OCA2: variants seen among roughly 807,000 people sequenced by gnomAD.
OCA2 encodes OCA2 melanosomal transmembrane protein.
OCA2 carries 77 observed loss-of-function variants against 100.2 expected under a neutral mutation model. The observed-to-expected ratio is 0.77, with a 90% CI of 0.64 to 0.93. The LOEUF (loss-of-function observed/expected upper bound fraction) is 0.93. Ranked by LOEUF, OCA2 falls within the 40% of genes least tolerant of loss-of-function variation. The pLI, the probability that OCA2 is intolerant of heterozygous loss-of-function variation, is 0.00. For synonymous variants in OCA2, 432 were observed against 439.2 expected, an observed-to-expected ratio of 0.98 and a Z score of 0.21; for missense variants, 1,062 against 1,089.1, an observed-to-expected ratio of 0.98 and a Z score of 0.35.
chr15:27,919,466 G>T (rs949628134), intron 19 of OCA2, among the ~76,000 whole-genome samples: 1 of 152,176 alleles, frequency 6.6e-6, no homozygotes, highest in Non-Finnish European at 1.5e-5. Flanking sequence ...GTTAAGCCAT[G>T]AAAAGACAAG....
chr15:27,865,928 C>G (rs1164893470), intron 21 of OCA2, among the ~76,000 whole-genome samples: 2 of 152,180 alleles, frequency 1.3e-5, no homozygotes, highest in Non-Finnish European at 2.9e-5. Flanking sequence ...TCCTCCCAGT[C>G]AAAGGGGCCC....
intron 4 of OCA2, among the ~76,000 whole-genome samples, chr15:28,026,956 A>T (rs1340712796): frequency 6.6e-6 from 1 of 152,230 alleles, no homozygotes; most frequent in Non-Finnish European, 1.5e-5. Flanking sequence ...ATCGCGTGAC[A>T]GGGTACCGTC....
chr15:27,889,582 G>A (rs1184288739), intron 19 of OCA2, among the ~76,000 whole-genome samples: 3 of 152,186 alleles, frequency 2.0e-5, no homozygotes, highest in Non-Finnish European at 4.4e-5. Flanking sequence ...AGTCACCGTG[G>A]GAAAGTGTAT....
intron 19 of OCA2, among the ~76,000 whole-genome samples, chr15:27,873,845 C>T (rs1037593203): frequency 6.6e-6 from 1 of 152,118 alleles, no homozygotes; most frequent in African/African-American, 2.4e-5. Context: ...AATTATCTAG[C>T]ACATCCCTAT....
chr15:27,943,034 A>G (rs1442965484), intron 18 of OCA2, among the ~76,000 whole-genome samples: 3 of 152,154 alleles, frequency 2.0e-5, no homozygotes, highest in Non-Finnish European at 2.9e-5. Flanking sequence ...TATCAGGGCT[A>G]TTTTCTAATA....
chr15:28,081,241 A>C (rs759293560), intron 2 of OCA2, among the ~76,000 whole-genome samples: 5 of 152,222 alleles, frequency 3.3e-5, no homozygotes, highest in Non-Finnish European at 7.3e-5. Context: ...ATAAAAGTTG[A>C]AATTATTTTT....
rs531446421 is a variant in OCA2 at position 28,079,574 on chromosome 15, C to A, written c.227+2074G>T. The stretch of plus-strand genomic sequence containing the variant: ...ACTGTGGGTGGGTTGGGCCAACACA[C>A]CATTCTCCTCATGGTGCTGAGAGCT... On this transcript the variant is annotated intron_variant, in intron 2 of 23. Transcript: ENST00000354638. Among the ~76,000 whole-genome samples, 9 of 152,280 alleles carry A rather than the reference C, an allele frequency of 5.9e-5. No homozygotes were observed. The South Asian group carries it at 1.9e-3, about 32-fold the overall frequency.
chr15:27,871,721 A>G lies in OCA2; in HGVS notation c.2139+142T>C, dbSNP rs1357756686. 5 of 695,392 alleles carry G rather than the reference A, an allele frequency of 7.2e-6. No homozygotes were observed. In the East Asian group the frequency reaches 1.2e-4, roughly 17 times the overall value. 43.1% of individuals were successfully genotyped at this position (695,392 alleles called of 1,614,324 possible). The stretch of plus-strand genomic sequence containing the variant: ...AAGTCTCCCTTCATCTCTGGGCTGC[A>G]CAGGATAGAACAGGTTCCCTGCTGT... On this transcript the variant is annotated intron_variant, in intron 20 of 23. Transcript: ENST00000354638.
chr15:27,938,388 G>A (rs150941919), intron 18 of OCA2, among the ~76,000 whole-genome samples: 8 of 152,334 alleles, frequency 5.3e-5, no homozygotes, highest in East Asian at 3.9e-4. Context: ...AACTTGCAGA[G>A]GCAAGACTCC....
At chr15:27,824,928 T>C (rs1253319656) in intron 23 of OCA2, among the ~76,000 whole-genome samples, 2 of 151,956 alleles carry the variant, frequency 1.3e-5, no homozygotes. Context: ...ACAGGGGGCA[T>C]AGGCACAAAA....
chr15:27,840,482 T>C (rs756694357), intron 23 of OCA2, among the ~76,000 whole-genome samples: 42 of 152,228 alleles, frequency 2.8e-4, no homozygotes, highest in Admixed American at 2.7e-3. Context: ...CCAATATTTC[T>C]GATCCTAATA....
chr15:27,949,365 T>C (rs909806688), intron 18 of OCA2, among the ~76,000 whole-genome samples: 1 of 152,198 alleles, frequency 6.6e-6, no homozygotes, highest in African/African-American at 2.4e-5. Context: ...CAGGACACAT[T>C]GAAAACAGAA....
chr15:27,809,474 C>T (rs1013210707), intron 23 of OCA2, among the ~76,000 whole-genome samples: 1 of 152,160 alleles, frequency 6.6e-6, no homozygotes, highest in African/African-American at 2.4e-5. Context: ...GACAAGGATG[C>T]TCTCTCTCAA....
the OCA2 span, among the ~76,000 whole-genome samples, chr15:27,739,541 G>T: frequency 6.8e-6 from 1 of 147,302 alleles, no homozygotes; most frequent in Non-Finnish European, 1.5e-5. Context: ...CACCTCCCGG[G>T]TTCAAGTGAT....
rs1358155377 is a variant in OCA2 at position 27,871,161 on chromosome 15, G to A, written c.2237C>T (p.Ala746Val). 1 of 1,612,016 alleles carries A rather than the reference G, an allele frequency of 6.2e-7. No individual in the cohort carries two copies. Among genetic ancestry groups the A allele is most frequent in the Non-Finnish European group, 8.5e-7 (1 of 1,178,154 alleles). The change falls in exon 21 of 24, where the codon GCT (alanine) becomes GTT (valine). Residue 746 changes from alanine (A) to valine (V), a missense_variant. Coordinates refer to ENST00000354638, the MANE Select transcript of OCA2 (RefSeq NM_000275.3). ...SSLIDNIPFT[A>V]TMIPVLLNLS... is the part of the protein sequence containing the mutation. The stretch of plus-strand genomic sequence containing the variant: ...TGGACATGTGCAACTCACCATGGTA[G>A]CAGTGAACGGGATGTTGTCAATCAG...
chr15:27,845,703 T>G (rs2035507032), intron 22 of OCA2, among the ~76,000 whole-genome samples: 1 of 152,164 alleles, frequency 6.6e-6, no homozygotes. Context: ...GCCTCCTCCG[T>G]CGCTCCCAGC....
intron 23 of OCA2, among the ~76,000 whole-genome samples, chr15:27,777,004 A>G (rs1595393117): frequency 6.6e-6 from 1 of 150,600 alleles, no homozygotes; most frequent in Non-Finnish European, 1.5e-5. Flanking sequence ...GTTGGAGAGC[A>G]CTTCCCCCCA....
the OCA2 span, among the ~76,000 whole-genome samples, chr15:27,736,055 A>G: frequency 6.6e-6 from 1 of 152,226 alleles, no homozygotes; most frequent in African/African-American, 2.4e-5. Context: ...TCAATCCACA[A>G]TGTACATATA....
chr15:27,851,632 A>G (rs920080403), intron 21 of OCA2, among the ~76,000 whole-genome samples, 157 bp from the exon 22 acceptor site: 2 of 152,242 alleles, frequency 1.3e-5, no homozygotes, highest in African/African-American at 4.8e-5. Context: ...TGGAATCCAC[A>G]GAAACTTGAG....
Sources: allele counts gnomAD v4.1 joint callset (sites outside exome capture counted in the v4.1 genomes callset), GRCh38; gene constraint gnomAD v4.1.1; transcripts MANE v1.5; gene names NCBI Gene and HGNC (gene_info 2026-07-23, HGNC 2026-07-21).